WDR35: variants seen among roughly 807,000 people sequenced by gnomAD.
The protein encoded by WDR35 is WD repeat domain 35.
Under a neutral mutation model 158.3 loss-of-function variants are expected in WDR35, and 118 were observed. That is an observed-to-expected ratio of 0.75 (90% CI 0.64 to 0.87). WDR35 has a LOEUF of 0.87. Ranked by LOEUF, WDR35 falls within the 40% of genes least tolerant of loss-of-function variation. WDR35 has a pLI of 0.00. For synonymous variants in WDR35, 448 were observed against 476.1 expected, an observed-to-expected ratio of 0.94 and a Z score of 0.77; for missense variants, 1,263 against 1,405.8, an observed-to-expected ratio of 0.90 and a Z score of 1.62.
intron 4 of WDR35, among the ~76,000 whole-genome samples, chr2:19,979,147 C>T (rs1192939945): frequency 6.6e-6 from 1 of 152,156 alleles, no homozygotes; most frequent in African/African-American, 2.4e-5. Flanking sequence ...CTTTCCCTCT[C>T]TCTTTCTTTC....
chr2:19,948,745 T>C (rs1273994904), intron 13 of WDR35, among the ~76,000 whole-genome samples: 2 of 151,918 alleles, frequency 1.3e-5, no homozygotes, highest in African/African-American at 2.4e-5. Context: ...AACAAAACTA[T>C]AGAGATGGAG....
At chr2:19,931,003 G>A (rs1165432361) in intron 24 of WDR35, among the ~76,000 whole-genome samples, 7 of 152,030 alleles carry the variant, frequency 4.6e-5, no homozygotes, top group Non-Finnish European at 7.4e-5. Context: ...GATTTCCCAG[G>A]TAAGTAAAAT....
chr2:19,932,297 T>C lies in WDR35; in HGVS notation c.2809A>G (p.Lys937Glu). 2 of 1,613,320 alleles carry C rather than the reference T, an allele frequency of 1.2e-6. No individual in the cohort carries two copies. Among genetic ancestry groups the C allele is most frequent in the East Asian group, 2.2e-5 (1 of 44,704 alleles). ...RKANYFFDAA[K>E]LMFKIADEEA... ...TTTTACATTACCTTAAACATCAGTT[T>C]AGCTGCATCAAAAAAGTAATTGGCT... The change falls in exon 23 of 27, where the codon AAA becomes GAA. Residue 937 changes from lysine (K) to glutamate (E), a missense_variant. Transcript: ENST00000281405.
intron 10 of WDR35, among the ~76,000 whole-genome samples, chr2:19,964,043 T>C (rs951366819): frequency 6.6e-6 from 1 of 152,146 alleles, no homozygotes; most frequent in African/African-American, 2.4e-5. Flanking sequence ...AGTAGTTGAC[T>C]TACAGCTATG....
intron 25 of WDR35, among the ~76,000 whole-genome samples, chr2:19,919,380 C>CAAAAAAAAAAAAAAAAAAAA (rs1302042752): frequency 1.9e-4 from 9 of 48,212 alleles, no homozygotes; most frequent in Non-Finnish European, 3.0e-4. Flanking sequence ...GGCTCCATCT[C>CAAAAAAAAAAAAAAAAAAAA]AAAAAAAAAA....
intron 19 of WDR35, 143 bp from the exon 20 acceptor site, chr2:19,936,508 C>T: frequency 1.7e-6 from 2 of 1,205,650 alleles, no homozygotes; most frequent in Non-Finnish European, 2.4e-6. Flanking sequence ...GGAACTTAGC[C>T]TGACTAGCTA....
Position 19,913,358 on chromosome 2 carries a change from G to T in WDR35, c.*200C>A, listed in dbSNP as rs1416094564. 6.3e-5 allele frequency: 33 copies of T among 524,182 alleles called. No individual in the cohort carries two copies. Among genetic ancestry groups the T allele is most frequent in the Non-Finnish European group, 6.5e-6 (2 of 309,190 alleles). 32.5% of individuals were successfully genotyped at this position (524,182 alleles called of 1,614,324 possible). ...ATGGTTGATTTTCATACATTTATATGAAAATCGGCCTTATTATTTCACAGT... is the reference window on the plus strand; with the variant it reads ...ATGGTTGATTTTCATACATTTATATTAAAATCGGCCTTATTATTTCACAGT... On this transcript the variant is annotated 3_prime_UTR_variant, in exon 27 of 27. Transcript: ENST00000281405.
chr2:19,970,348 A>C (rs1333803877), intron 8 of WDR35, among the ~76,000 whole-genome samples: 1 of 152,190 alleles, frequency 6.6e-6, no homozygotes, highest in Admixed American at 6.5e-5. Flanking sequence ...ACAACCAACG[A>C]GTCACCAAGT....
At chr2:19,943,295 A>C (rs1393792827) in intron 16 of WDR35, among the ~76,000 whole-genome samples, 2 of 152,150 alleles carry the variant, frequency 1.3e-5, no homozygotes, top group Non-Finnish European at 2.9e-5. Context: ...AGGTCTGACC[A>C]AAAGTCAGCT....
chr2:19,982,248 C>A (rs1672404101), intron 3 of WDR35, among the ~76,000 whole-genome samples: 1 of 152,204 alleles, frequency 6.6e-6, no homozygotes, highest in African/African-American at 2.4e-5. Flanking sequence ...TTAAGGTAAG[C>A]TAGGCAGAGC....
At chr2:19,963,006 T>TA (rs1671713097) in intron 10 of WDR35, among the ~76,000 whole-genome samples, 1 of 152,190 alleles carries the variant, frequency 6.6e-6, no homozygotes, top group East Asian at 1.9e-4. Flanking sequence ...ATCCTTTTGC[T>TA]ATTACCTCCA....
chr2:19,910,602 A>G lies in WDR35; in HGVS notation c.*2956T>C, dbSNP rs528803010. ...AGTACATGTTTTTTGCAAGGAGAAC[A>G]ACATAACTGTTTAATGATGCTGTCT... is the stretch of plus-strand genomic sequence containing the variant. On this transcript the variant is annotated 3_prime_UTR_variant, in exon 27 of 27. Coordinates refer to ENST00000281405, the MANE Select transcript of WDR35 (RefSeq NM_020779.4). 6.6e-6 allele frequency: 1 copy of G among 152,352 alleles called. No homozygotes were observed. Among genetic ancestry groups the G allele is most frequent in the East Asian group, 1.9e-4 (1 of 5,186 alleles). 9.4% of individuals were successfully genotyped at this position (152,352 alleles called of 1,614,324 possible). A position where few individuals can be genotyped will look rare whatever the true frequency, so the allele number is the denominator to read the frequency against.
chr2:19,930,687 T>C, intron 24 of WDR35, 135 bp from the exon 25 acceptor site: 1 of 1,308,078 alleles, frequency 7.6e-7, no homozygotes, highest in African/African-American at 1.5e-5. Context: ...AGACTTTTTT[T>C]TTTAAGAGAT....
At chr2:19,944,651 T>C (rs543499128) in intron 16 of WDR35, among the ~76,000 whole-genome samples, 1 of 152,288 alleles carries the variant, frequency 6.6e-6, no homozygotes, top group South Asian at 2.1e-4. Flanking sequence ...TGAATCTGAA[T>C]GCCTTTCCTT....
intron 11 of WDR35, 150 bp downstream of exon 11, chr2:19,960,403 TA>T: frequency 1.6e-6 from 1 of 634,654 alleles, no homozygotes; most frequent in Non-Finnish European, 2.7e-6. Flanking sequence ...GTAACAGATA[TA>T]AACTGGTACT....
intron 13 of WDR35, 74 bp downstream of exon 13, chr2:19,951,341 A>G: frequency 7.9e-7 from 1 of 1,265,956 alleles, no homozygotes; most frequent in Admixed American, 2.1e-5. Context: ...ATTATTTTTC[A>G]GGTTTCAAAA....
intron 25 of WDR35, among the ~76,000 whole-genome samples, chr2:19,924,530 C>T (rs1670298360): frequency 6.6e-6 from 1 of 152,182 alleles, no homozygotes; most frequent in African/African-American, 2.4e-5. Flanking sequence ...CGCCACTGCA[C>T]TCCAGGCTGG....
intron 14 of WDR35, among the ~76,000 whole-genome samples, chr2:19,947,328 A>G (rs1391096797): frequency 6.6e-6 from 1 of 152,206 alleles, no homozygotes; most frequent in East Asian, 1.9e-4. Context: ...AGGGCTTATC[A>G]GAAAGGAGGG....
intron 2 of WDR35, among the ~76,000 whole-genome samples, chr2:19,983,984 G>GA (rs2103466558): frequency 6.8e-6 from 1 of 147,906 alleles, no homozygotes; most frequent in Admixed American, 6.7e-5. Flanking sequence ...TTCTAGCACT[G>GA]AAAAATCCAT....
Sources: gnomAD v4.1 joint callset for allele counts (sites outside exome capture counted in the v4.1 genomes callset) on GRCh38, gnomAD v4.1.1 for gene constraint, MANE v1.5 for transcripts, NCBI Gene and HGNC (gene_info 2026-07-23, HGNC 2026-07-21) for gene names.